The following ICA1 variants were observed in gnomAD, a reference collection of about 807,000 sequenced individuals.
ICA1 encodes the protein islet cell autoantigen 1, also known as 69 kDa islet cell autoantigen.
A neutral mutation model predicts 71.0 loss-of-function variants in ICA1; 40 were observed. The ratio of observed to expected loss-of-function variants is 0.56; its 90% CI spans 0.44 to 0.73. The LOEUF is 0.73. Ranked by LOEUF, ICA1 falls within the 30% of genes least tolerant of loss-of-function variation. The pLI, the probability that ICA1 is intolerant of heterozygous loss-of-function variation, is 0.00. For missense variants in ICA1, 578 were observed against 576.5 expected (o/e 1.00, Z -0.03); for synonymous variants, 207 against 209.5 (o/e 0.99, Z 0.10).
chr7:8,245,066 A>G (rs2128501175), intron 1 of ICA1, among the ~76,000 whole-genome samples: 1 of 152,318 alleles, frequency 6.6e-6, no homozygotes, highest in African/African-American at 2.4e-5. Context: ...CTGGGTATAT[A>G]CCCAAAGGAT....
rs750925155 is a variant in ICA1, at chr7:8,157,160, C to T, written c.760G>A (p.Glu254Lys). The T allele has an allele frequency of 4.3e-6, 7 of 1,612,958 alleles. No individual in the cohort carries two copies. Among genetic ancestry groups the T allele is most frequent in the Non-Finnish European group, 5.9e-6 (7 of 1,179,822 alleles). ...TATGGTTGATAACCTTTGAAACTCT[C>T]ATGGATGGCTGCCATAGTGTGAGAA... ...KTSHTMAAIH[E>K]SFKGYQPYEF... The change falls in exon 8 of 14, where the codon GAG becomes AAG. Residue 254 changes from glutamate to lysine, a missense_variant. Glu to Lys is a moderately conservative substitution (Grantham distance 56). Transcript: ENST00000402384.
At position 8,223,863 on chromosome 7, in the gene ICA1, T is replaced by C. The variant is rs1445774883; in HGVS notation, c.257-2465A>G. ...TTGAGAATTCAGAGACAAAAACATT[T>C]TTATATTTACTTGCTAATTAGGTTT... On this transcript the variant is annotated intron_variant, in intron 4 of 13. Transcript: ENST00000402384. The surrounding 1 kb of genome is among the most constrained non-coding windows in gnomAD (Gnocchi z 4.1). Among the ~76,000 whole-genome samples the C allele has an allele frequency of 6.6e-6, 1 of 152,180 alleles. No individual in the cohort carries two copies. Among genetic ancestry groups the C allele is most frequent in the Non-Finnish European group, 1.5e-5 (1 of 68,030 alleles).
chr7:8,113,195 AAT>A lies in ICA1; in HGVS notation c.*726_*727del, dbSNP rs1293469841. On this transcript the variant is annotated 3_prime_UTR_variant, in exon 14 of 14. Coordinates refer to ENST00000402384, the MANE Select transcript of ICA1 (RefSeq NM_001136020.3). This position sits in a 1 kb window ranked among gnomAD's most constrained non-coding sequence, Gnocchi z 4.2. ...TCCATAAACTTGACTTTGCATGTCA[AAT>A]ATCTTTTCTGTTTAATTAAAAAAAA... 2.7e-5 allele frequency: 4 copies of A among 147,254 alleles called. No individual in the cohort carries two copies. The highest frequency in any genetic ancestry group is 9.8e-5 in the African/African-American group (4 of 40,764). 9.1% of individuals were successfully genotyped at this position (147,254 alleles called of 1,614,324 possible). A position where few individuals can be genotyped will look rare whatever the true frequency, so the allele number is the denominator to read the frequency against.
At chr7:8,254,841 A>G (rs1343901084) in intron 1 of ICA1, among the ~76,000 whole-genome samples, 3 of 152,174 alleles carry the variant, frequency 2.0e-5, no homozygotes, top group Non-Finnish European at 4.4e-5. Flanking sequence ...CACTGAGTCA[A>G]CAGCATTAGG....
chr7:8,179,500 G>A (rs1222159358), intron 6 of ICA1, among the ~76,000 whole-genome samples: 3 of 152,164 alleles, frequency 2.0e-5, no homozygotes, highest in Non-Finnish European at 4.4e-5. Context: ...CTCAAAATTC[G>A]TTTTCATACC....
intron 1 of ICA1, among the ~76,000 whole-genome samples, chr7:8,256,418 T>G (rs1291401948): frequency 6.6e-6 from 1 of 151,590 alleles, no homozygotes; most frequent in African/African-American, 2.4e-5. Flanking sequence ...CCTCTGCGCA[T>G]GTCAGAACGC....
intron 9 of ICA1, among the ~76,000 whole-genome samples, chr7:8,143,030 C>T (rs148990834): frequency 6.6e-6 from 1 of 152,260 alleles, no homozygotes; most frequent in African/African-American, 2.4e-5. Flanking sequence ...AAAGTATAAG[C>T]CTGTTTTACG....
intron 8 of ICA1, among the ~76,000 whole-genome samples, chr7:8,152,999 C>T (rs1214457924): frequency 1.3e-5 from 2 of 152,206 alleles, no homozygotes; most frequent in East Asian, 3.8e-4. Context: ...CCTCCTCTAG[C>T]ACTGCTGCTG....
At chr7:8,138,266 C>T (rs1175412300) in intron 12 of ICA1, among the ~76,000 whole-genome samples, 1 of 152,196 alleles carries the variant, frequency 6.6e-6, no homozygotes, top group African/African-American at 2.4e-5. Flanking sequence ...AGCAAACTCT[C>T]CCTCTGCATC....
At chr7:8,242,485 C>G (rs983111324) in intron 1 of ICA1, among the ~76,000 whole-genome samples, 2 of 152,074 alleles carry the variant, frequency 1.3e-5, no homozygotes, top group African/African-American at 4.8e-5. Context: ...AATTGACACC[C>G]TAACATCACA....
chr7:8,203,353 A>G (rs185271568), intron 6 of ICA1, among the ~76,000 whole-genome samples: 1 of 152,210 alleles, frequency 6.6e-6, no homozygotes, highest in Admixed American at 6.5e-5. Flanking sequence ...AAGTTAAGAC[A>G]TAAGAAATCT....
intron 10 of ICA1, among the ~76,000 whole-genome samples, chr7:8,140,752 A>G (rs1160121489): frequency 6.6e-6 from 1 of 152,248 alleles, no homozygotes; most frequent in African/African-American, 2.4e-5. Context: ...ACATGAAGCA[A>G]GCATTAGAGG....
intron 6 of ICA1, among the ~76,000 whole-genome samples, chr7:8,202,812 T>A (rs1361110041): frequency 6.6e-6 from 1 of 152,202 alleles, no homozygotes; most frequent in African/African-American, 2.4e-5. Flanking sequence ...GTGAGCCTGC[T>A]CTGTCTTAGG....
intron 8 of ICA1, among the ~76,000 whole-genome samples, chr7:8,156,321 T>C (rs1422059792): frequency 6.6e-6 from 1 of 152,240 alleles, no homozygotes; most frequent in Non-Finnish European, 1.5e-5. Context: ...GCTTGAACGA[T>C]AAAGAGCAAG....
At chr7:8,197,329 CG>C (rs1787990460) in intron 6 of ICA1, among the ~76,000 whole-genome samples, 1 of 151,292 alleles carries the variant, frequency 6.6e-6, no homozygotes, top group Non-Finnish European at 1.5e-5. Flanking sequence ...CCGAAGCGGG[CG>C]GATCACAAGG....
intron 13 of ICA1, among the ~76,000 whole-genome samples, chr7:8,115,795 G>T (rs553970106): frequency 6.6e-6 from 1 of 152,224 alleles, no homozygotes; most frequent in East Asian, 1.9e-4. Flanking sequence ...TCCCTTGGGG[G>T]ACCTGTCCCA....
At chr7:8,162,495 G>A (rs1034616710) in intron 6 of ICA1, among the ~76,000 whole-genome samples, 1 of 152,152 alleles carries the variant, frequency 6.6e-6, no homozygotes, top group Non-Finnish European at 1.5e-5. Context: ...GAAGCCTGAG[G>A]TTAAAACACC....
chr7:8,214,431 C>G (rs71533395), intron 6 of ICA1, among the ~76,000 whole-genome samples: 3,604 of 152,334 alleles, frequency 0.024, 50 homozygotes, highest in Middle Eastern at 0.058. Flanking sequence ...GTGAATCACG[C>G]TGTCAGGAGG....
At chr7:8,255,591 G>C (rs1356068493) in intron 1 of ICA1, among the ~76,000 whole-genome samples, 1 of 152,120 alleles carries the variant, frequency 6.6e-6, no homozygotes, top group East Asian at 1.9e-4. Flanking sequence ...CAGGGCACCA[G>C]ATCCACATTT....
Sources: allele counts gnomAD v4.1 joint callset (sites outside exome capture counted in the v4.1 genomes callset), GRCh38; gene constraint gnomAD v4.1.1; non-coding constraint Gnocchi (gnomAD v3.1); transcripts MANE v1.5; gene names NCBI Gene and HGNC (gene_info 2026-07-23, HGNC 2026-07-21).